The following MRTFB variants were observed in gnomAD, a reference collection of about 807,000 sequenced individuals.
MRTFB encodes myocardin related transcription factor B.
In MRTFB, 29 loss-of-function variants were observed where a neutral mutation model predicts 104.2. That is an observed-to-expected ratio of 0.28 (90% CI 0.21 to 0.38). The LOEUF (loss-of-function observed/expected upper bound fraction) is 0.38, where lower values mean the gene tolerates loss of function less well. MRTFB is among the 10% of genes least tolerant of loss of function. MRTFB has a pLI of 1.00. For missense variants in MRTFB, 1,270 were observed against 1,341.6 expected, an observed-to-expected ratio of 0.95 and a Z score of 0.83; for synonymous variants, 535 against 519.5, an observed-to-expected ratio of 1.03 and a Z score of -0.41.
chr16:14,215,262 C>T (rs928767663), intron 6 of MRTFB, among the ~76,000 whole-genome samples: 1 of 152,156 alleles, frequency 6.6e-6, no homozygotes, highest in Non-Finnish European at 1.5e-5. Context: ...GTTTTTAGGA[C>T]ATCTGTTCTC....
chr16:14,103,308 T>C (rs1317944479), intron 2 of MRTFB, among the ~76,000 whole-genome samples: 1 of 152,164 alleles, frequency 6.6e-6, no homozygotes, highest in Non-Finnish European at 1.5e-5. Flanking sequence ...TTTTATTGAA[T>C]AGGAAGCCTT....
At chr16:14,094,369 C>G (rs918706333) in intron 2 of MRTFB, among the ~76,000 whole-genome samples, 1 of 152,076 alleles carries the variant, frequency 6.6e-6, no homozygotes, top group African/African-American at 2.4e-5. Flanking sequence ...AGTTAAAATG[C>G]ATTTGTTTAA....
At chr16:14,027,766 C>G in the MRTFB span, among the ~76,000 whole-genome samples, 39 of 152,244 alleles carry the variant, frequency 2.6e-4, no homozygotes, top group Non-Finnish European at 3.8e-4. Flanking sequence ...AGTTTGGGGA[C>G]AGTGACAGAG....
intron 12 of MRTFB, 161 bp from the exon 13 acceptor site, chr16:14,248,765 T>A (rs1466444274): frequency 1.5e-6 from 1 of 668,432 alleles, no homozygotes; most frequent in Non-Finnish European, 2.4e-6. Context: ...TTTAGAATCA[T>A]TAAAGTTCAG....
chr16:14,122,634 A>G (rs953548089), intron 2 of MRTFB, among the ~76,000 whole-genome samples: 6 of 152,168 alleles, frequency 3.9e-5, no homozygotes, highest in East Asian at 1.9e-4. Flanking sequence ...TTATGGCTGC[A>G]TAGTATTCCG....
intron 2 of MRTFB, among the ~76,000 whole-genome samples, chr16:14,122,392 G>A (rs573290981): frequency 3.2e-4 from 49 of 151,968 alleles, no homozygotes; most frequent in Non-Finnish European, 5.7e-4. Flanking sequence ...CCATCAGCCG[G>A]TCACCTACCT....
intron 2 of MRTFB, among the ~76,000 whole-genome samples, chr16:14,127,929 A>AT (rs67001306): frequency 0.011 from 502 of 44,596 alleles, 16 homozygotes; most frequent in Admixed American, 0.018. Flanking sequence ...ATATATATAT[A>AT]TTTTTTTTTT....
At chr16:14,157,063 C>T (rs760948265) in intron 3 of MRTFB, among the ~76,000 whole-genome samples, 2 of 152,146 alleles carry the variant, frequency 1.3e-5, no homozygotes, top group Non-Finnish European at 2.9e-5. Flanking sequence ...CTATTTTCAT[C>T]TCTTTTCTAT....
At chr16:14,046,317 C>A in the MRTFB span, among the ~76,000 whole-genome samples, 7 of 151,936 alleles carry the variant, frequency 4.6e-5, no homozygotes, top group African/African-American at 1.7e-4. Context: ...CAGAGTGAGA[C>A]CCTGTCTCAA....
At chr16:14,197,049 A>C (rs538880681) in intron 3 of MRTFB, among the ~76,000 whole-genome samples, 4 of 141,792 alleles carry the variant, frequency 2.8e-5, no homozygotes, top group African/African-American at 5.3e-5. Context: ...GGCTCACTAC[A>C]ACCTCTGCCT....
chr16:14,221,507 C>T (rs2041702947), intron 8 of MRTFB, among the ~76,000 whole-genome samples: 1 of 152,190 alleles, frequency 6.6e-6, no homozygotes, highest in East Asian at 1.9e-4. Flanking sequence ...TGGAGACTCT[C>T]TCTGCAGTCT....
intron 3 of MRTFB, chr16:14,200,528 A>G: frequency 6.2e-7 from 1 of 1,609,478 alleles, no homozygotes; most frequent in South Asian, 1.1e-5. Context: ...TGAATTGCTC[A>G]GCAGCAGCTT....
At chr16:14,002,125 G>A in the MRTFB span, among the ~76,000 whole-genome samples, 1 of 152,180 alleles carries the variant, frequency 6.6e-6, no homozygotes, top group African/African-American at 2.4e-5. Flanking sequence ...GCTCATACCT[G>A]TAATCCCAGT....
chr16:14,246,030 C>T (rs2042997653), intron 11 of MRTFB, among the ~76,000 whole-genome samples: 1 of 152,058 alleles, frequency 6.6e-6, no homozygotes, highest in East Asian at 1.9e-4. Flanking sequence ...CTTCTATTAT[C>T]TGTGGTACCT....
the MRTFB span, among the ~76,000 whole-genome samples, chr16:14,005,618 T>C: frequency 6.6e-6 from 1 of 152,166 alleles, no homozygotes; most frequent in Non-Finnish European, 1.5e-5. Flanking sequence ...GTCTGGATGG[T>C]TGCAAAGGCC....
chr16:14,074,472 A>G (rs1376244200), intron 1 of MRTFB, among the ~76,000 whole-genome samples: 4 of 152,194 alleles, frequency 2.6e-5, no homozygotes, highest in Non-Finnish European at 5.9e-5. Context: ...CACAAATGTT[A>G]ACTAGAAAAT....
At chr16:14,095,139 G>T (rs924300182) in intron 2 of MRTFB, among the ~76,000 whole-genome samples, 4 of 152,182 alleles carry the variant, frequency 2.6e-5, no homozygotes, top group African/African-American at 9.7e-5. Context: ...AAGGTAAATT[G>T]TTGGGTATAC....
chr16:14,154,205 C>CA (rs977295012), intron 3 of MRTFB, among the ~76,000 whole-genome samples: 8 of 152,124 alleles, frequency 5.3e-5, no homozygotes, highest in Non-Finnish European at 1.2e-4. Flanking sequence ...CATGATGACA[C>CA]ACACCTGTAG....
intron 16 of MRTFB, among the ~76,000 whole-genome samples, chr16:14,259,037 T>C (rs1040456588): frequency 1.3e-5 from 2 of 152,206 alleles, no homozygotes; most frequent in African/African-American, 4.8e-5. Flanking sequence ...TAGCAGGTAT[T>C]ATTTGACACT....
Sources: allele counts gnomAD v4.1 joint callset (sites outside exome capture counted in the v4.1 genomes callset), GRCh38; gene constraint gnomAD v4.1.1; transcripts MANE v1.5; gene names NCBI Gene and HGNC (gene_info 2026-07-23, HGNC 2026-07-21).